Variants in SUMF1 observed in about 807,000 individuals in gnomAD.
SUMF1 encodes the protein sulfatase modifying factor 1.
SUMF1 carries 48 observed loss-of-function variants against 47.6 expected under a neutral mutation model. The observed-to-expected ratio is 1.01, with a 90% confidence interval of 0.80 to 1.28. SUMF1 has a LOEUF of 1.28. Among genes scored for constraint, SUMF1 ranks in the 50% most tolerant of loss-of-function variants. The pLI, the probability that SUMF1 is intolerant of heterozygous loss-of-function variation, is 0.00. For synonymous variants in SUMF1, 230 were observed against 192.1 expected (o/e 1.20, Z -1.63); for missense variants, 571 against 485.4 (o/e 1.18, Z -1.66).
At chr3:4,211,380 G>A (rs1429520075) in intron 8 of SUMF1, among the ~76,000 whole-genome samples, 3 of 150,850 alleles carry the variant, frequency 2.0e-5, no homozygotes, top group Non-Finnish European at 4.4e-5. Context: ...GTGTCCATGT[G>A]TTCTCATCAT....
intron 8 of SUMF1, among the ~76,000 whole-genome samples, chr3:4,226,407 C>G (rs964976916): frequency 1.3e-5 from 2 of 151,146 alleles, no homozygotes; most frequent in Non-Finnish European, 2.9e-5. Context: ...GTAGCTGGGA[C>G]TACAGGTGCA....
intron 8 of SUMF1, among the ~76,000 whole-genome samples, chr3:4,165,183 C>A (rs530904720): frequency 6.6e-6 from 1 of 152,154 alleles, no homozygotes. Context: ...AAGCCGCATT[C>A]TTTTCATTAA....
intron 1 of SUMF1, among the ~76,000 whole-genome samples, chr3:4,465,337 T>C (rs557983098): frequency 6.6e-6 from 1 of 152,202 alleles, no homozygotes; most frequent in South Asian, 2.1e-4. Context: ...TAGCTGGGTA[T>C]GGTGGCGTGT....
rs895381724 is a variant in SUMF1, at chr3:4,151,858, G to A, written c.1015-83113C>T. The stretch of plus-strand genomic sequence containing the variant: ...AGAAAAGATGCACTGGGACAGGTAC[G>A]ACAACTCCAGGCATAACTGACCTTC... On this transcript the variant is annotated intron_variant and NMD_transcript_variant, in intron 8 of 12. Coordinates refer to the SUMF1 transcript ENST00000448413. 2.0e-5 allele frequency among the ~76,000 whole-genome samples: 3 copies of A among 151,432 alleles called. 1 individual carries two copies. Among genetic ancestry groups the A allele is most frequent in the African/African-American group, 7.4e-5 (3 of 40,786 alleles).
At chr3:4,258,286 T>C (rs1313355969) in intron 8 of SUMF1, among the ~76,000 whole-genome samples, 2 of 147,124 alleles carry the variant, frequency 1.4e-5, no homozygotes, top group Non-Finnish European at 3.0e-5. Context: ...CTAAAGAGCT[T>C]CTGCACAGCA....
At chr3:4,425,776 T>C (rs2125058613) in intron 3 of SUMF1, among the ~76,000 whole-genome samples, 1 of 152,324 alleles carries the variant, frequency 6.6e-6, no homozygotes, top group East Asian at 1.9e-4. Context: ...CTGGGTAATT[T>C]ATAAAGGAAA....
intron 8 of SUMF1, among the ~76,000 whole-genome samples, chr3:4,231,392 T>C (rs938763654): frequency 6.6e-6 from 1 of 152,138 alleles, no homozygotes; most frequent in Non-Finnish European, 1.5e-5. Flanking sequence ...CTGCAGAAGA[T>C]AATACAGAGA....
Position 4,180,017 on chromosome 3 carries a change from T to C in SUMF1, c.1015-111272A>G, listed in dbSNP as rs376324701. On this transcript the variant is annotated intron_variant and NMD_transcript_variant, in intron 8 of 12. Transcript: ENST00000448413. ...AGATACCATCTCACACCAGTTAGAATGGCAATCATTAAAAAGTCAGGAAAC... is the reference window on the plus strand; with the variant it reads ...AGATACCATCTCACACCAGTTAGAACGGCAATCATTAAAAAGTCAGGAAAC... Among the ~76,000 whole-genome samples the C allele has an allele frequency of 7.9e-5, 12 of 152,282 alleles. 2 individuals carry two copies. The highest frequency in any genetic ancestry group is 6.5e-5 in the Admixed American group (1 of 15,294).
At chr3:4,050,363 T>C (rs1695084921) in intron 9 of SUMF1, among the ~76,000 whole-genome samples, 2 of 152,044 alleles carry the variant, frequency 1.3e-5, no homozygotes, top group Admixed American at 1.3e-4. Context: ...AGTCTTTCCC[T>C]AGACTTTTGA....
intron 8 of SUMF1, among the ~76,000 whole-genome samples, chr3:4,315,166 C>A (rs1233651962): frequency 6.6e-6 from 1 of 152,200 alleles, no homozygotes; most frequent in Admixed American, 6.5e-5. Flanking sequence ...TTAATCATTT[C>A]TCCATGCCAA....
At chr3:4,310,505 G>GA (rs932236133) in intron 8 of SUMF1, among the ~76,000 whole-genome samples, 3 of 152,036 alleles carry the variant, frequency 2.0e-5, no homozygotes, top group African/African-American at 7.2e-5. Flanking sequence ...CCATCACGGG[G>GA]AAAAAATTTA....
In SUMF1 at chr3:4,364,861, T is replaced by C. The variant is rs542331492; in HGVS notation, c.1015-2607A>G. ...TTTCCTGCTTTCTCTTGTGGGCATT[T>C]AGTGCTATAAATTTCCCTCTACACA... On this transcript the variant is annotated intron_variant, in intron 8 of 8. Coordinates refer to ENST00000272902, the MANE Select transcript of SUMF1 (RefSeq NM_182760.4). Among the ~76,000 whole-genome samples, 962 of 151,552 alleles carry C rather than the reference T, an allele frequency of 6.3e-3. 9 individuals carry two copies. Among genetic ancestry groups the C allele is most frequent in the African/African-American group, 0.022 (922 of 41,290 alleles).
At chr3:4,163,906 C>A (rs1316288201) in intron 8 of SUMF1, among the ~76,000 whole-genome samples, 2 of 152,128 alleles carry the variant, frequency 1.3e-5, no homozygotes, top group South Asian at 4.2e-4. Context: ...ATTTCTACAG[C>A]CCTGCCCTGG....
intron 8 of SUMF1, among the ~76,000 whole-genome samples, chr3:4,269,858 T>C (rs1195773665): frequency 6.6e-6 from 1 of 152,122 alleles, no homozygotes; most frequent in Non-Finnish European, 1.5e-5. Context: ...CTAGAAAATG[T>C]AGGGTATACA....
chr3:4,441,896 A>G (rs1202656642), intron 3 of SUMF1, among the ~76,000 whole-genome samples: 1 of 152,186 alleles, frequency 6.6e-6, no homozygotes, highest in African/African-American at 2.4e-5. Flanking sequence ...AGACAGAACA[A>G]CTAGAGAGCA....
intron 7 of SUMF1, among the ~76,000 whole-genome samples, chr3:4,380,461 C>T (rs1372869866): frequency 6.6e-6 from 1 of 152,152 alleles, no homozygotes; most frequent in African/African-American, 2.4e-5. Context: ...GACTGAAAAA[C>T]TACATACTGA....
Position 4,177,509 on chromosome 3 carries a change from G to A in SUMF1, c.1015-108764C>T, listed in dbSNP as rs6803245. Among the ~76,000 whole-genome samples the A allele has an allele frequency of 3.1e-3, 474 of 152,170 alleles. 3 individuals carry two copies. Among genetic ancestry groups the A allele is most frequent in the African/African-American group, 0.011 (437 of 41,544 alleles). On this transcript the variant is annotated intron_variant and NMD_transcript_variant, in intron 8 of 12. Transcript: ENST00000448413. ...AAACCAATGAGAACAAAGACATAAC[G>A]TACCAGAATCTCTGGGACACATTTA...
At chr3:4,287,694 T>C (rs550594710) in intron 8 of SUMF1, among the ~76,000 whole-genome samples, 2 of 152,338 alleles carry the variant, frequency 1.3e-5, no homozygotes, top group African/African-American at 4.8e-5. Context: ...TTCCCTTGAA[T>C]ATTTAAAATA....
chr3:4,388,048 T>C (rs1472738907), intron 7 of SUMF1, among the ~76,000 whole-genome samples: 1 of 152,088 alleles, frequency 6.6e-6, no homozygotes, highest in East Asian at 1.9e-4. Context: ...TCTGCAGTTA[T>C]AGGGTAGACA....
Sources: allele counts gnomAD v4.1 joint callset (sites outside exome capture counted in the v4.1 genomes callset), GRCh38; gene constraint gnomAD v4.1.1; transcripts MANE v1.5; gene names NCBI Gene and HGNC (gene_info 2026-07-23, HGNC 2026-07-21).